The following SPHKAP variants were observed in gnomAD, a reference collection of about 807,000 sequenced individuals.
The protein encoded by SPHKAP is A-kinase anchor protein SPHKAP.
In SPHKAP, 67 loss-of-function variants were observed where a neutral mutation model predicts 137.5. That is an observed-to-expected ratio of 0.49 (90% confidence interval 0.40 to 0.60). The LOEUF (loss-of-function observed/expected upper bound fraction) is 0.60. Among genes scored for constraint, SPHKAP ranks in the 20% least tolerant of loss-of-function variants. The pLI is 0.00. For synonymous variants in SPHKAP, 813 were observed against 785.3 expected, an observed-to-expected ratio of 1.04 and a Z score of -0.59; for missense variants, 2,097 against 2,069.3, an observed-to-expected ratio of 1.01 and a Z score of -0.26.
intron 3 of SPHKAP, among the ~76,000 whole-genome samples, chr2:228,092,963 T>G (rs1166954704): frequency 6.6e-6 from 1 of 152,114 alleles, no homozygotes; most frequent in Non-Finnish European, 1.5e-5. Flanking sequence ...CAGTGTATAC[T>G]GCTCAGGTAA....
chr2:228,051,550 C>T (rs932314486), intron 3 of SPHKAP, among the ~76,000 whole-genome samples: 16 of 152,068 alleles, frequency 1.1e-4, no homozygotes, highest in African/African-American at 3.6e-4. Context: ...CACAGAACAC[C>T]CAGATCCAGA....
intron 3 of SPHKAP, among the ~76,000 whole-genome samples, chr2:228,091,304 T>A (rs953872943): frequency 9.9e-5 from 15 of 152,120 alleles, no homozygotes; most frequent in African/African-American, 3.6e-4. Flanking sequence ...GACCTCAAAC[T>A]ATGAAAATTC....
rs369540246 is a variant in SPHKAP, at chr2:228,045,602, A to G, written c.247-18059T>C. On this transcript the variant is annotated intron_variant, in intron 3 of 11. Transcript: ENST00000392056. Reference sequence around the variant, plus strand: ...ATCACACAGCGGGGACTGTTGCGGGATTGGGGGAGCGGGGAGGGATAGCAT... The same window carrying G: ...ATCACACAGCGGGGACTGTTGCGGGGTTGGGGGAGCGGGGAGGGATAGCAT... 7.6e-4 allele frequency among the ~76,000 whole-genome samples: 115 copies of G among 151,928 alleles called. 1 individual carries two copies. The highest frequency in any genetic ancestry group is 3.4e-3 in the Middle Eastern group (1 of 294).
At chr2:228,092,311 GTGTGTGTATACGTA>G (rs1202897925) in intron 3 of SPHKAP, among the ~76,000 whole-genome samples, 11 of 98,342 alleles carry the variant, frequency 1.1e-4, no homozygotes, top group African/African-American at 4.2e-4. Context: ...ACACGTGTAT[GTGTGTGTATACGTA>G]CACACACACG....
intron 11 of SPHKAP, among the ~76,000 whole-genome samples, chr2:227,983,221 C>G (rs1693069733): frequency 6.6e-6 from 1 of 152,160 alleles, no homozygotes; most frequent in Non-Finnish European, 1.5e-5. Flanking sequence ...ACTTCAGTTA[C>G]TGAGAAGTTG....
chr2:228,019,780 A>G lies in SPHKAP; in HGVS notation c.1074T>C (p.Ala358=). ...TTAGGTTGCTTCTCTGCTCTGCCAC[A>G]GCACATGCAGAAGGTACATCTTTAT... ...MMDKDVPSAC[A]VAEQRSNLNP... Residue 358 remains alanine (A), a synonymous_variant, in exon 7 of 12, where the codon GCT becomes GCC. Coordinates refer to ENST00000392056, the MANE Select transcript of SPHKAP (RefSeq NM_001142644.2). The G allele has an allele frequency of 1.2e-6, 2 of 1,614,116 alleles. No homozygotes were observed. The highest frequency in any genetic ancestry group is 1.7e-6 in the Non-Finnish European group (2 of 1,179,986).
At chr2:228,073,007 G>A (rs915538492) in intron 3 of SPHKAP, among the ~76,000 whole-genome samples, 1 of 152,258 alleles carries the variant, frequency 6.6e-6, no homozygotes, top group Admixed American at 6.5e-5. Context: ...AGCATAATGA[G>A]AGGTTGCTTT....
intron 1 of SPHKAP, among the ~76,000 whole-genome samples, chr2:228,157,956 C>T (rs748800425): frequency 6.6e-6 from 1 of 152,164 alleles, no homozygotes; most frequent in African/African-American, 2.4e-5. Flanking sequence ...GGTTATTAGC[C>T]TGCTGTAGAA....
chr2:228,086,247 T>C (rs1477938538), intron 3 of SPHKAP, among the ~76,000 whole-genome samples: 1 of 152,174 alleles, frequency 6.6e-6, no homozygotes, highest in Non-Finnish European at 1.5e-5. Flanking sequence ...GAAATATTTA[T>C]TCAAGAAAAT....
chr2:228,103,518 C>G (rs985273122), intron 3 of SPHKAP, among the ~76,000 whole-genome samples: 3 of 152,186 alleles, frequency 2.0e-5, no homozygotes, highest in Non-Finnish European at 4.4e-5. Flanking sequence ...TCTCTCAGAG[C>G]GTGGTACTGG....
At chr2:228,132,968 C>G (rs1222759380) in intron 1 of SPHKAP, among the ~76,000 whole-genome samples, 2 of 146,646 alleles carry the variant, frequency 1.4e-5, no homozygotes, top group African/African-American at 5.1e-5. Flanking sequence ...CCCGCTATTG[C>G]ATTCCAGCCT....
Position 228,025,443 on chromosome 2 carries a change from A to AG in SPHKAP, c.391dup (p.Leu131ProfsTer14). Reference sequence around the variant, plus strand: ...GAGATTTCCAGAGGCTAACCCACTTAGGACAACAATTTCATTTTCTTTTGG... The same window carrying AG: ...GAGATTTCCAGAGGCTAACCCACTTAGGGACAACAATTTCATTTTCTTTTGG... On this transcript the variant is annotated frameshift_variant, in exon 5 of 12. Transcript: ENST00000392056. LOFTEE classifies it high-confidence loss of function. 6.2e-7 allele frequency: 1 copy of AG among 1,613,946 alleles called. No homozygotes were observed. The highest frequency in any genetic ancestry group is 8.5e-7 in the Non-Finnish European group (1 of 1,179,932).
intron 1 of SPHKAP, among the ~76,000 whole-genome samples, chr2:228,169,591 T>C (rs1700522021): frequency 6.6e-6 from 1 of 152,108 alleles, no homozygotes; most frequent in Admixed American, 6.6e-5. Flanking sequence ...TACTGCTCAT[T>C]GACAATGTAC....
chr2:228,131,301 A>G lies in SPHKAP; in HGVS notation c.138+679T>C, dbSNP rs1386835487. 5.1e-6 allele frequency: 5 copies of G among 985,174 alleles called. No homozygotes were observed. The African/African-American group carries it at 8.7e-5, about 17-fold the overall frequency. The allele number at this position is 985,174 out of a possible 1,614,324, so 61.0% of individuals were successfully genotyped here. A position where few individuals can be genotyped will look rare whatever the true frequency, so the allele number is the denominator to read the frequency against. On this transcript the variant is annotated intron_variant, in intron 2 of 11. Transcript: ENST00000392056. ...ATTGCTTCTGAATTGGGATGAGAAG[A>G]AACATATACTTCCCTGGAATTCAGC...
chr2:228,108,905 T>C lies in SPHKAP; in HGVS notation c.173A>G (p.Asp58Gly). 1 of 1,609,456 alleles carries C rather than the reference T, an allele frequency of 6.2e-7. No homozygotes were observed. Among genetic ancestry groups the C allele is most frequent in the Non-Finnish European group, 8.5e-7 (1 of 1,178,970 alleles). Residue 58 changes from aspartate (D) to glycine (G), a missense_variant, in exon 3 of 12, where the codon GAC (aspartate) becomes GGC (glycine). Asp to Gly is a moderately conservative substitution (Grantham distance 94). Transcript: ENST00000392056. ...LRSNSLLEST[D>G]YWLQNQRMPC... ...CATCCTCTGATTCTGCAACCAGTAG[T>C]CTGTTGACTCCAGCAGGCTATTGCT... is the stretch of plus-strand genomic sequence containing the variant.
chr2:228,169,163 G>A (rs1305904364), intron 1 of SPHKAP, among the ~76,000 whole-genome samples: 1 of 152,198 alleles, frequency 6.6e-6, no homozygotes, highest in African/African-American at 2.4e-5. Flanking sequence ...CAAGCAGCAA[G>A]TGCTGATGGA....
chr2:228,179,578 A>C (rs752491264), intron 1 of SPHKAP, among the ~76,000 whole-genome samples: 1 of 152,184 alleles, frequency 6.6e-6, no homozygotes, highest in African/African-American at 2.4e-5. Flanking sequence ...TTTGTGGATT[A>C]AGAAGGCTAA....
intron 1 of SPHKAP, among the ~76,000 whole-genome samples, chr2:228,154,573 G>A (rs1279163340): frequency 2.4e-5 from 2 of 81,792 alleles, no homozygotes; most frequent in East Asian, 7.9e-4. Context: ...TTTTGAGATG[G>A]AGTCTCGCTC....
At chr2:228,170,800 C>A (rs1021768288) in intron 1 of SPHKAP, among the ~76,000 whole-genome samples, 10 of 151,994 alleles carry the variant, frequency 6.6e-5, no homozygotes, top group African/African-American at 1.9e-4. Context: ...TTTCTGGAAC[C>A]AAGCCTACCA....
Sources: allele counts gnomAD v4.1 joint callset (sites outside exome capture counted in the v4.1 genomes callset), GRCh38; gene constraint gnomAD v4.1.1; transcripts MANE v1.5; gene names NCBI Gene and HGNC (gene_info 2026-07-23, HGNC 2026-07-21).